The following FRAS1 variants were observed in gnomAD, a reference collection of about 807,000 sequenced individuals.
The protein encoded by FRAS1 is Fraser extracellular matrix complex subunit 1.
Under a neutral mutation model 435.2 loss-of-function variants are expected in FRAS1, and 290 were observed. The observed-to-expected ratio is 0.67, with a 90% CI of 0.61 to 0.73. The LOEUF (loss-of-function observed/expected upper bound fraction) is 0.73. Among genes scored for constraint, FRAS1 ranks in the 30% least tolerant of loss-of-function variants. The pLI is 0.00. For synonymous variants in FRAS1, 1,800 were observed against 1,851.0 expected (o/e 0.97, Z 0.71); for missense variants, 4,860 against 5,001.5 (o/e 0.97, Z 0.85).
intron 45 of FRAS1, among the ~76,000 whole-genome samples, chr4:78,451,007 A>G (rs1375706511): frequency 6.8e-6 from 1 of 146,224 alleles, no homozygotes; most frequent in East Asian, 1.9e-4. Flanking sequence ...CCGCCCACAC[A>G]CTAACACCTA....
chr4:78,237,677 T>C (rs908572295), intron 3 of FRAS1, 60 bp downstream of exon 3: 43 of 914,830 alleles, frequency 4.7e-5, no homozygotes, highest in Middle Eastern at 2.3e-4. Flanking sequence ...GTCAGGTTTT[T>C]GGATCATTTC....
intron 2 of FRAS1, among the ~76,000 whole-genome samples, chr4:78,217,450 G>A (rs965743793): frequency 6.6e-6 from 1 of 152,094 alleles, no homozygotes; most frequent in African/African-American, 2.4e-5. Flanking sequence ...TGTTCTGTGC[G>A]GGACTGCCAG....
In FRAS1 at chr4:78,057,360, G is replaced by T. The variant is rs1360706143; in HGVS notation, c.-650G>T. ...GCTTCCGAACAGTCTGCTTCAGGGA[G>T]CGCAGCCTGAGGCGGTGTGGTGCGG... is the stretch of plus-strand genomic sequence containing the variant. On this transcript the variant is annotated 5_prime_UTR_variant, in exon 1 of 74. Coordinates refer to ENST00000512123, the MANE Select transcript of FRAS1 (RefSeq NM_025074.7). This position sits in a 1 kb window ranked among gnomAD's most constrained non-coding sequence, Gnocchi z 4.2. 1.3e-5 allele frequency among the ~76,000 whole-genome samples: 2 copies of T among 152,162 alleles called. No individual in the cohort carries two copies. Among genetic ancestry groups the T allele is most frequent in the Non-Finnish European group, 2.9e-5 (2 of 68,026 alleles).
chr4:78,464,413 T>G, intron 48 of FRAS1, 30 bp from the exon 49 acceptor site: 1 of 1,613,696 alleles, frequency 6.2e-7, no homozygotes, highest in Non-Finnish European at 8.5e-7. Flanking sequence ...TAGGGACAGG[T>G]GTCCCACCTG....
chr4:78,118,382 C>T (rs1328646179), intron 2 of FRAS1, among the ~76,000 whole-genome samples: 2 of 152,170 alleles, frequency 1.3e-5, no homozygotes, highest in Non-Finnish European at 2.9e-5. Flanking sequence ...TTTAAGTCTG[C>T]AGAGGTGCTG....
chr4:78,269,894 A>G (rs920926560), intron 9 of FRAS1, among the ~76,000 whole-genome samples: 1 of 152,164 alleles, frequency 6.6e-6, no homozygotes, highest in Non-Finnish European at 1.5e-5. Context: ...GCGCGTGGTA[A>G]ATGTGAGCTG....
intron 34 of FRAS1, among the ~76,000 whole-genome samples, chr4:78,423,722 C>T (rs1323671405): frequency 6.6e-6 from 1 of 152,154 alleles, no homozygotes; most frequent in African/African-American, 2.4e-5. Context: ...TATAGGCTTC[C>T]TCTTTAGTGT....
intron 19 of FRAS1, among the ~76,000 whole-genome samples, chr4:78,336,499 G>A (rs1234582171): frequency 6.6e-6 from 1 of 152,212 alleles, no homozygotes; most frequent in African/African-American, 2.4e-5. Flanking sequence ...TATTCTGATA[G>A]GGAGGAAGAA....
At position 78,469,735 on chromosome 4, in the gene FRAS1, CTTG is replaced by C. The variant is rs529520900; in HGVS notation, c.7258-222_7258-220del. On this transcript the variant is annotated intron_variant, in intron 50 of 73. Transcript: ENST00000512123. ...AGGTGAAATGACAGCAAGAATGCCA[CTTG>C]TTGTTGTTGTTGTTGTTGTTTTGTT... Among the ~76,000 whole-genome samples, 30 of 151,792 alleles carry C rather than the reference CTTG, an allele frequency of 2.0e-4. 1 individual carries two copies. Among genetic ancestry groups the C allele is most frequent in the South Asian group, 6.2e-4 (3 of 4,804 alleles).
At chr4:78,407,070 G>A (rs1733127935) in intron 30 of FRAS1, among the ~76,000 whole-genome samples, 1 of 152,184 alleles carries the variant, frequency 6.6e-6, no homozygotes, top group Non-Finnish European at 1.5e-5. Context: ...TGAGTTTCAT[G>A]TTTAGACTTG....
chr4:78,271,659 G>A (rs1726698305), intron 9 of FRAS1, among the ~76,000 whole-genome samples: 1 of 152,096 alleles, frequency 6.6e-6, no homozygotes. Context: ...ATTTTTTATG[G>A]CTGCATAGTA....
intron 2 of FRAS1, among the ~76,000 whole-genome samples, chr4:78,174,312 C>T (rs1340735164): frequency 1.3e-5 from 2 of 152,172 alleles, no homozygotes; most frequent in Non-Finnish European, 2.9e-5. Context: ...TACCTATGTC[C>T]ATGGATCTCT....
At chr4:78,141,784 C>T (rs530907176) in intron 2 of FRAS1, among the ~76,000 whole-genome samples, 36 of 152,128 alleles carry the variant, frequency 2.4e-4, no homozygotes, top group African/African-American at 4.6e-4. Flanking sequence ...TATATATACA[C>T]GATGGAATAC....
intron 2 of FRAS1, among the ~76,000 whole-genome samples, chr4:78,175,938 C>T (rs1721761023): frequency 6.6e-6 from 1 of 152,160 alleles, no homozygotes; most frequent in African/African-American, 2.4e-5. Flanking sequence ...GACACCATTA[C>T]ATCCCTAAGA....
At chr4:78,357,893 T>C (rs409061) in intron 20 of FRAS1, among the ~76,000 whole-genome samples, 25,765 of 152,078 alleles carry the variant, frequency 0.17, 2,876 homozygotes, top group African/African-American at 0.32. Flanking sequence ...AGAGGGACAC[T>C]TTGTCTTACC....
In FRAS1 at chr4:78,058,103, C is replaced by CGTGTGTGT. The variant is rs71214392; in HGVS notation, c.76+28_76+35dup. ...TTCCGAAGGTGAGAGAGCGGTGCCG[C>CGTGTGTGT]GTGTGTGTGTGTGTGTGCGTGTGCG... On this transcript the variant is annotated intron_variant, in intron 1 of 73. Coordinates refer to ENST00000512123, the MANE Select transcript of FRAS1 (RefSeq NM_025074.7). The CGTGTGTGT allele has an allele frequency of 2.6e-4, 393 of 1,529,056 alleles. 1 individual carries two copies. In the East Asian group the frequency reaches 3.5e-3, roughly 14 times the overall value. 94.7% of individuals were successfully genotyped at this position (1,529,056 alleles called of 1,614,324 possible).
chr4:78,154,181 A>T (rs370991469), intron 2 of FRAS1, among the ~76,000 whole-genome samples: 1 of 151,930 alleles, frequency 6.6e-6, no homozygotes, highest in African/African-American at 2.4e-5. Context: ...CATGTTCTTT[A>T]TATTCAGAAA....
At chr4:78,370,121 G>T in intron 23 of FRAS1, 137 bp downstream of exon 23, 1 of 720,094 alleles carries the variant, frequency 1.4e-6, no homozygotes. Context: ...ACAATTGTGT[G>T]TGTATGTATA....
intron 31 of FRAS1, 74 bp downstream of exon 31, chr4:78,407,915 T>C: frequency 7.6e-7 from 1 of 1,317,992 alleles, no homozygotes; most frequent in Non-Finnish European, 1.0e-6. Flanking sequence ...ATAATCAACT[T>C]GAGTAATTTT....
Sources: allele counts gnomAD v4.1 joint callset (sites outside exome capture counted in the v4.1 genomes callset), GRCh38; gene constraint gnomAD v4.1.1; non-coding constraint Gnocchi (gnomAD v3.1); transcripts MANE v1.5; gene names NCBI Gene and HGNC (gene_info 2026-07-23, HGNC 2026-07-21).